PHEX: variants seen among roughly 807,000 people sequenced by gnomAD.
PHEX encodes phosphate regulating endopeptidase X-linked, also known as phosphate-regulating neutral endopeptidase PHEX.
In PHEX, 16 loss-of-function variants were observed where a neutral mutation model predicts 68.0. The observed-to-expected ratio is 0.24, with a 90% confidence interval of 0.16 to 0.36. The LOEUF is 0.36. PHEX is among the 10% of genes least tolerant of loss of function. The pLI is 1.00. For synonymous variants in PHEX, 208 were observed against 205.1 expected, an observed-to-expected ratio of 1.01 and a Z score of -0.12; for missense variants, 480 against 575.5, an observed-to-expected ratio of 0.83 and a Z score of 1.70.
chrX:22,046,184 T>A (rs775473767), intron 2 of PHEX, among the ~76,000 whole-genome samples: 2 of 112,116 alleles, frequency 1.8e-5, no homozygotes, highest in East Asian at 5.6e-4. Flanking sequence ...CTTCTCTATG[T>A]GTCCTCTTGT....
chrX:22,167,491 C>CTT lies in PHEX; in HGVS notation c.1405-805_1405-804dup, dbSNP rs1164658740. On this transcript the variant is annotated intron_variant, in intron 12 of 21. Transcript: ENST00000379374. ...TTTTCCCTTTTTAATTTTTTAATTT[C>CTT]TTTTTTTTTTTTTTTTTGGAGACAG... 2.4e-3 allele frequency among the ~76,000 whole-genome samples: 201 copies of CTT among 84,057 alleles called. 8 individuals carry two copies. The highest frequency in any genetic ancestry group is 0.013 in the Middle Eastern group (2 of 158). The allele number at this position is 84,057 out of a possible 115,157, so 73.0% of individuals were successfully genotyped here.
chrX:22,080,021 G>A (rs1426317067), intron 5 of PHEX, among the ~76,000 whole-genome samples: 1 of 111,051 alleles, frequency 9.0e-6, no homozygotes, highest in African/African-American at 3.3e-5. Context: ...CTAAAAGTGG[G>A]GCAACCAGAT....
chrX:22,035,474 T>C (rs910420859), intron 1 of PHEX, among the ~76,000 whole-genome samples: 1 of 112,798 alleles, frequency 8.9e-6, no homozygotes, highest in Non-Finnish European at 1.9e-5. Context: ...TGTACACAAA[T>C]GGGCATGGCT....
chrX:22,120,645 G>A (rs1931446549), intron 11 of PHEX, among the ~76,000 whole-genome samples: 1 of 111,318 alleles, frequency 9.0e-6, no homozygotes, highest in Non-Finnish European at 1.9e-5. Context: ...AGCTACTATT[G>A]ATTTAATCTA....
chrX:22,077,464 G>C lies in PHEX; in HGVS notation c.437-12G>C, dbSNP rs1569381375. On this transcript the variant is annotated splice_polypyrimidine_tract_variant and intron_variant, in intron 4 of 21. Transcript: ENST00000379374. ...CAATTCTAACTTTCTCTTCATATCT[G>C]CTCCCTTTCAGAAGCGATTGAAAAA... 1 of 1,189,812 alleles carries C rather than the reference G, an allele frequency of 8.4e-7. No homozygotes were observed. The highest frequency in any genetic ancestry group is 1.1e-6 in the Non-Finnish European group (1 of 875,509).
At chrX:22,087,615 T>G (rs1929682517) in intron 5 of PHEX, among the ~76,000 whole-genome samples, 1 of 111,956 alleles carries the variant, frequency 8.9e-6, no homozygotes, top group African/African-American at 3.2e-5. Context: ...GTATTTAAGA[T>G]TATAGTAAGA....
At chrX:22,048,522 A>G (rs1419103804) in intron 3 of PHEX, among the ~76,000 whole-genome samples, 1 of 111,687 alleles carries the variant, frequency 9.0e-6, no homozygotes, top group Non-Finnish European at 1.9e-5. Context: ...ATACAGAAAC[A>G]TTACTGAAAG....
At chrX:22,177,370 A>T (rs1933742488) in intron 13 of PHEX, among the ~76,000 whole-genome samples, 1 of 111,525 alleles carries the variant, frequency 9.0e-6, no homozygotes, top group African/African-American at 3.3e-5. Context: ...TATTTTTCTT[A>T]ATTTCCATAG....
At chrX:22,201,643 C>T (rs1934561271) in intron 15 of PHEX, among the ~76,000 whole-genome samples, 2 of 111,805 alleles carry the variant, frequency 1.8e-5, no homozygotes, top group Non-Finnish European at 3.8e-5. Context: ...ATCTGGAATG[C>T]TCTGCAGTCT....
intron 13 of PHEX, chrX:22,172,687 A>G (rs73636815): frequency 0.31 from 34,829 of 110,735 alleles, 4,180 homozygotes; most frequent in Middle Eastern, 0.37. Context: ...GCAGGAAGCT[A>G]ATTGGCAAAG....
chrX:22,126,387 T>G (rs1479671098), intron 11 of PHEX, among the ~76,000 whole-genome samples: 1 of 111,764 alleles, frequency 8.9e-6, no homozygotes, highest in East Asian at 2.8e-4. Flanking sequence ...AGGATTTGAG[T>G]TGCCTTGTGG....
Position 22,099,388 on chromosome X carries a change from CT to C in PHEX, c.1079+238del. 7.6e-6 allele frequency: 3 copies of C among 392,701 alleles called. No homozygotes were observed. The East Asian group carries it at 1.3e-4, about 17-fold the overall frequency. 32.4% of individuals were successfully genotyped at this position (392,701 alleles called of 1,213,427 possible). On this transcript the variant is annotated intron_variant, in intron 9 of 21. Coordinates refer to ENST00000379374, the MANE Select transcript of PHEX (RefSeq NM_000444.6). ...ATTTCTGGTCTTTCTCCATGCTGTT[CT>C]CTTTGAGATCCTAAATTGTTTATGA... is the stretch of plus-strand genomic sequence containing the variant.
At position 22,077,530 on chromosome X, in the gene PHEX, C is replaced by G. The variant is rs766719010; in HGVS notation, c.491C>G (p.Pro164Arg). 14 of 1,211,925 alleles carry G rather than the reference C, an allele frequency of 1.2e-5. No individual in the cohort carries two copies. Among genetic ancestry groups the G allele is most frequent in the Non-Finnish European group, 1.3e-5 (12 of 895,435 alleles). Residue 164 changes from proline to arginine, a missense_variant, in exon 5 of 22, where the codon CCT becomes CGT. Coordinates refer to ENST00000379374, the MANE Select transcript of PHEX (RefSeq NM_000444.6). The stretch of plus-strand genomic sequence containing the variant: ...CTGCTACACATCCTACGGCATTCAC[C>G]TTTCCGCTGGCCCGTGCTTGAATCT... ...KPLLHILRHS[P>R]FRWPVLESNI... is the part of the protein sequence containing the mutation.
intron 11 of PHEX, among the ~76,000 whole-genome samples, chrX:22,116,303 G>A (rs1281599552): frequency 1.8e-5 from 2 of 111,638 alleles, no homozygotes; most frequent in East Asian, 2.8e-4. Context: ...CAGATTATTC[G>A]TTTTTTCACT....
At chrX:22,086,688 A>G (rs1222043812) in intron 5 of PHEX, among the ~76,000 whole-genome samples, 1 of 110,957 alleles carries the variant, frequency 9.0e-6, no homozygotes, top group Non-Finnish European at 1.9e-5. Flanking sequence ...TGGGGTGGGG[A>G]GGGAAGCCAG....
intron 18 of PHEX, among the ~76,000 whole-genome samples, chrX:22,222,000 A>C (rs956099191): frequency 8.9e-6 from 1 of 111,787 alleles, no homozygotes; most frequent in Non-Finnish European, 1.9e-5. Flanking sequence ...AATCCTTGCT[A>C]TGCCTCAAAT....
rs962923311 is a variant in PHEX, at chrX:22,231,041, G to T, written c.2070+3430G>T. 6.3e-5 allele frequency among the ~76,000 whole-genome samples: 7 copies of T among 111,955 alleles called. No individual in the cohort carries two copies. The Admixed American group carries it at 6.6e-4, about 11-fold the overall frequency. On this transcript the variant is annotated intron_variant, in intron 20 of 21. Transcript: ENST00000379374. ...TCTGCATCTATTGAGATAATCATGT[G>T]GTTTTTGTCATTGGTTCTGTTTATG...
rs749431603 is a variant in PHEX, at chrX:22,064,016, A to G, written c.350-12372A>G. Among the ~76,000 whole-genome samples the G allele has an allele frequency of 3.5e-5, 4 of 112,872 alleles. No homozygotes were observed. In the South Asian group the frequency reaches 1.5e-3, roughly 41 times the overall value. ...CAAATCAAAAATATTGTCAACTGTA[A>G]GATGCACCATTGTTTCACATGAGCT... On this transcript the variant is annotated intron_variant, in intron 3 of 21. Transcript: ENST00000379374.
chrX:22,096,819 TCCCC>T, intron 7 of PHEX, 132 bp from the exon 8 acceptor site: 1 of 513,078 alleles, frequency 1.9e-6, no homozygotes, highest in Admixed American at 3.1e-5. Flanking sequence ...TTTTTTCTCT[TCCCC>T]GAGTTGGGGA....
Sources: allele counts gnomAD v4.1 joint callset (sites outside exome capture counted in the v4.1 genomes callset), GRCh38; gene constraint gnomAD v4.1.1; transcripts MANE v1.5; gene names NCBI Gene and HGNC (gene_info 2026-07-23, HGNC 2026-07-21).